The following MICAL1 variants were observed in gnomAD, a reference collection of about 807,000 sequenced individuals.
MICAL1 encodes the protein [F-actin]-monooxygenase MICAL1.
A neutral mutation model predicts 131.8 loss-of-function variants in MICAL1; 95 were observed. That is an observed-to-expected ratio of 0.72 (90% CI 0.61 to 0.86). The LOEUF (loss-of-function observed/expected upper bound fraction) is 0.86, where lower values mean the gene tolerates loss of function less well. Ranked by LOEUF, MICAL1 falls within the 40% of genes least tolerant of loss-of-function variation. The probability of loss-of-function intolerance (pLI) is 0.00; values close to 1 mark genes in which losing one functional copy is unlikely to be tolerated. For missense variants in MICAL1, 1,292 were observed against 1,380.6 expected (o/e 0.94, Z 1.02); for synonymous variants, 546 against 554.2 (o/e 0.99, Z 0.21).
intron 1 of MICAL1, among the ~76,000 whole-genome samples, chr6:109,462,424 G>C (rs1380114505): frequency 6.6e-6 from 1 of 152,192 alleles, no homozygotes; most frequent in Non-Finnish European, 1.5e-5. Context: ...GCCATGACAT[G>C]GAAGATGTTT....
intron 1 of MICAL1, chr6:109,454,750 TGAG>T (rs1481742369): frequency 6.4e-6 from 1 of 155,306 alleles, no homozygotes; most frequent in Non-Finnish European, 1.4e-5. Flanking sequence ...ACGCTGTGTC[TGAG>T]AAGTGTCTCA....
rs1427061494 is a variant in MICAL1 at position 109,448,764 on chromosome 6, A to C, written c.1632T>G (p.Cys544Trp). 1 of 1,613,966 alleles carries C rather than the reference A, an allele frequency of 6.2e-7. No homozygotes were observed. The highest frequency in any genetic ancestry group is 1.3e-5 in the African/African-American group (1 of 74,926). Residue 544 changes from cysteine (C) to tryptophan (W), a missense_variant, in exon 12 of 25, where the codon TGT becomes TGG. Physicochemically the swap from Cys to Trp is radical, Grantham distance 215. Transcript: ENST00000358807. Reference protein sequence around the residue: ...SSSWADGLALCALVYRLQPGL... With the variant: ...SSSWADGLALWALVYRLQPGL... ...CAGGCTGCAGCCGGTACACCAGGGCACACAGAGCTAGCCCATCAGCCCAGG... is the reference window on the plus strand; with the variant it reads ...CAGGCTGCAGCCGGTACACCAGGGCCCACAGAGCTAGCCCATCAGCCCAGG...
At chr6:109,448,427 A>G (rs1775346012) in intron 12 of MICAL1, 34 bp from the exon 13 acceptor site, 1 of 1,608,042 alleles carries the variant, frequency 6.2e-7, no homozygotes, top group African/African-American at 1.3e-5. Flanking sequence ...CCAACTAGAG[A>G]CAAGAACCTA....
At position 109,465,664 on chromosome 6, in the gene MICAL1, C is replaced by T. The variant is rs775871899; in HGVS notation, c.14G>A (p.Ser5Asn). ...TGAAATGCTCAATACAAATCAGTAC[C>T]TTAGACAAGACATACACACATCTTG... The change falls in exon 1 of 25, where the codon AGC becomes AAC. Residue 5 changes from serine to asparagine, a missense_variant and splice_region_variant. Transcript: ENST00000630715. 112 of 1,576,612 alleles carry T rather than the reference C, an allele frequency of 7.1e-5. No individual in the cohort carries two copies. The highest frequency in any genetic ancestry group is 9.3e-5 in the Non-Finnish European group (108 of 1,167,488).
intron 13 of MICAL1, 58 bp downstream of exon 13, chr6:109,448,145 A>T: frequency 6.8e-7 from 1 of 1,480,178 alleles, no homozygotes; most frequent in Non-Finnish European, 9.1e-7. Flanking sequence ...ACACACACAC[A>T]CACACACACA....
chr6:109,444,477 C>T, intron 24 of MICAL1, 138 bp from the exon 25 acceptor site: 2 of 1,296,102 alleles, frequency 1.5e-6, no homozygotes, highest in African/African-American at 1.5e-5. Flanking sequence ...GTTGCCAACA[C>T]CAGTGGTTTT....
chr6:109,465,830 G>A, exon 1 of MICAL1: 1 of 1,614,160 alleles, frequency 6.2e-7, no homozygotes, highest in South Asian at 1.1e-5. Flanking sequence ...GCCCAATCAA[G>A]CAGTCAAACG....
chr6:109,448,961 G>A (rs1775380916), intron 11 of MICAL1, 82 bp from the exon 12 acceptor site: 2 of 1,559,372 alleles, frequency 1.3e-6, no homozygotes, highest in African/African-American at 1.4e-5. Context: ...GCATGTGGGG[G>A]TTCTGTAGGG....
upstream of MICAL1, among the ~76,000 whole-genome samples, chr6:109,456,346 A>T (rs544669844): frequency 2.8e-3 from 421 of 152,216 alleles, 2 homozygotes; most frequent in African/African-American, 9.8e-3. Context: ...CCACCTGGAG[A>T]TCCACGGCCC....
intron 1 of MICAL1, among the ~76,000 whole-genome samples, chr6:109,461,716 A>G (rs1023319257): frequency 6.6e-6 from 1 of 152,128 alleles, no homozygotes; most frequent in Non-Finnish European, 1.5e-5. Context: ...GAACTTAATA[A>G]GTGGGAAATA....
At chr6:109,449,100 C>T (rs1343883448) in intron 11 of MICAL1, 7 of 687,856 alleles carry the variant, frequency 1.0e-5, no homozygotes, top group African/African-American at 7.2e-5. Flanking sequence ...AAAGTGAAAT[C>T]GCAACTGGCC....
In MICAL1 at chr6:109,445,133, G is replaced by A. The variant is rs996747556; in HGVS notation, c.2881+64C>T. The A allele has an allele frequency of 9.4e-6, 15 of 1,594,618 alleles. No homozygotes were observed. In the African/African-American group the frequency reaches 1.2e-4, roughly 13 times the overall value. Reference sequence around the variant, plus strand: ...GTGGCATAGCCACTGGGACTCCTACGGGCTGGAGCGTGGAGCTGAACACAG... The same window carrying A: ...GTGGCATAGCCACTGGGACTCCTACAGGCTGGAGCGTGGAGCTGAACACAG... On this transcript the variant is annotated intron_variant, in intron 22 of 24. Coordinates refer to ENST00000358807, the MANE Select transcript of MICAL1 (RefSeq NM_022765.4).
At position 109,449,774 on chromosome 6, in the gene MICAL1, C is replaced by T. The variant is rs1775452733; in HGVS notation, c.1317G>A (p.Leu439=). 3 of 1,608,838 alleles carry T rather than the reference C, an allele frequency of 1.9e-6. No individual in the cohort carries two copies. The highest frequency in any genetic ancestry group is 2.5e-6 in the Non-Finnish European group (3 of 1,177,444). Residue 439 remains leucine, a synonymous_variant, in exon 10 of 25, where the codon CTG becomes CTA. Coordinates refer to ENST00000358807, the MANE Select transcript of MICAL1 (RefSeq NM_022765.4). ...SLEVLAERES[L]YQLLSQTSPE... ...GGGATGTCTGTGACAGAAGCTGGTA[C>T]AGGCTCTCACTGAGGGGGTGAGGGT... is the stretch of plus-strand genomic sequence containing the variant.
upstream of MICAL1, chr6:109,455,877 A>C (rs1008543216): frequency 2.0e-6 from 2 of 985,086 alleles, no homozygotes; most frequent in Non-Finnish European, 2.4e-6. The surrounding 1 kb of genome is among the most constrained non-coding windows in gnomAD (Gnocchi z 4.7). Flanking sequence ...AGTCGCGCGG[A>C]GTGTGGGCTT....
upstream of MICAL1, among the ~76,000 whole-genome samples, chr6:109,458,069 AGAAAT>A (rs1401195501): frequency 6.6e-6 from 1 of 152,118 alleles, no homozygotes; most frequent in Non-Finnish European, 1.5e-5. Flanking sequence ...TGCTGTCCTA[AGAAAT>A]GAACAGACTA....
In MICAL1 at chr6:109,452,545, A is replaced by G. The variant is rs746571125; in HGVS notation, c.642T>C (p.Leu214=). Residue 214 remains leucine, a synonymous_variant, in exon 5 of 25, where the codon CTT becomes CTC. Coordinates refer to ENST00000358807, the MANE Select transcript of MICAL1 (RefSeq NM_022765.4). ...AQLANYEFDV[L]ISAAGGKFVP... Reference sequence around the variant, plus strand: ...CGAATTTACCTCCTGCAGCCGAGATAAGGACGTCAAATTCATAGTTGGCCA... The same window carrying G: ...CGAATTTACCTCCTGCAGCCGAGATGAGGACGTCAAATTCATAGTTGGCCA... The G allele has an allele frequency of 6.2e-7, 1 of 1,614,042 alleles. No homozygotes were observed. Among genetic ancestry groups the G allele is most frequent in the South Asian group, 1.1e-5 (1 of 91,070 alleles).
At chr6:109,448,519 G>T in intron 12 of MICAL1, 126 bp from the exon 13 acceptor site, 2 of 1,295,118 alleles carry the variant, frequency 1.5e-6, no homozygotes, top group Non-Finnish European at 2.2e-6. Context: ...GAAGGTAGGT[G>T]TGTAGTCTCT....
At chr6:109,445,391 A>C in intron 21 of MICAL1, 25 bp downstream of exon 21, 2 of 1,613,758 alleles carry the variant, frequency 1.2e-6, no homozygotes, top group Non-Finnish European at 1.7e-6. Context: ...ACCCCATCAG[A>C]ATTTTGGGAA....
chr6:109,453,518 AG>A, intron 3 of MICAL1, 119 bp downstream of exon 3: 1 of 1,501,832 alleles, frequency 6.7e-7, no homozygotes, highest in African/African-American at 1.4e-5. Context: ...TGAATCTTCA[AG>A]GTCACCTGGC....
Sources: gnomAD v4.1 joint callset for allele counts (sites outside exome capture counted in the v4.1 genomes callset) on GRCh38, gnomAD v4.1.1 for gene constraint, Gnocchi (gnomAD v3.1) non-coding constraint, MANE v1.5 for transcripts, NCBI Gene and HGNC (gene_info 2026-07-23, HGNC 2026-07-21) for gene names.